The following TLR3 variants were observed in gnomAD, a reference collection of about 807,000 sequenced individuals.
TLR3 encodes the protein toll-like receptor 3.
A neutral mutation model predicts 66.4 loss-of-function variants in TLR3; 43 were observed. That is an observed-to-expected ratio of 0.65 (90% confidence interval 0.51 to 0.83). The LOEUF is 0.83. Ranked by LOEUF, TLR3 falls within the 40% of genes least tolerant of loss-of-function variation. The pLI, the probability that TLR3 is intolerant of heterozygous loss-of-function variation, is 0.00. For synonymous variants in TLR3, 397 were observed against 397.2 expected, an observed-to-expected ratio of 1.00 and a Z score of 0.01; for missense variants, 982 against 1,044.6, an observed-to-expected ratio of 0.94 and a Z score of 0.83.
chr4:186,081,251 A>C (rs2099303392), intron 3 of TLR3, among the ~76,000 whole-genome samples: 1 of 143,754 alleles, frequency 7.0e-6, no homozygotes. Flanking sequence ...CCTGGGGGAC[A>C]GAGCGAAACT....
chr4:186,077,394 C>T (rs996380566), intron 2 of TLR3, among the ~76,000 whole-genome samples: 9 of 152,182 alleles, frequency 5.9e-5, no homozygotes, highest in East Asian at 1.9e-4. Flanking sequence ...CATGTGAAGT[C>T]GTGACAAAAG....
chr4:186,072,791 G>A (rs1260243215), intron 1 of TLR3, among the ~76,000 whole-genome samples: 7 of 152,156 alleles, frequency 4.6e-5, no homozygotes, highest in Admixed American at 2.6e-4. Flanking sequence ...GGGTGGAGAC[G>A]CAGAGGCAAA....
intron 2 of TLR3, 119 bp downstream of exon 2, chr4:186,077,179 A>G: frequency 2.0e-6 from 2 of 1,024,608 alleles, no homozygotes; most frequent in Non-Finnish European, 2.9e-6. Context: ...AATTTGCCAC[A>G]AATATTGCCA....
rs746688951 is a variant in TLR3, at chr4:186,082,863, T to C, written c.1177T>C (p.Leu393=). The C allele has an allele frequency of 1.2e-5, 19 of 1,613,560 alleles. No individual in the cohort carries two copies. Among genetic ancestry groups the C allele is most frequent in the South Asian group, 2.2e-5 (2 of 91,040 alleles). Residue 393 remains leucine (L), a synonymous_variant, in exon 4 of 5, where the codon TTG becomes CTG. Coordinates refer to ENST00000296795, the MANE Select transcript of TLR3 (RefSeq NM_003265.3). ...YLSLSNSFTS[L]RTLTNETFVS... Reference sequence around the variant, plus strand: ...AAGTCTATCCAACTCCTTTACAAGTTTGCGAACTTTGACAAATGAAACATT... The same window carrying C: ...AAGTCTATCCAACTCCTTTACAAGTCTGCGAACTTTGACAAATGAAACATT...
Position 186,084,860 on chromosome 4 carries a change from A to C in TLR3, c.2702A>C (p.Asn901Thr). 6.2e-7 allele frequency: 1 copy of C among 1,612,838 alleles called. No homozygotes were observed. The highest frequency in any genetic ancestry group is 8.5e-7 in the Non-Finnish European group (1 of 1,179,210). ...HKLQVALGSK[N>T]SVH ...TTGCAAGTAGCACTTGGATCCAAAA[A>C]CTCTGTACATTAAATTTATTTAAAT... Residue 901 changes from asparagine to threonine, a missense_variant, in exon 5 of 5, where the codon AAC (asparagine) becomes ACC (threonine). By Grantham distance (65) the Asn-to-Thr change is moderately conservative. This residue lies in a region of TLR3 where 666 missense variants were observed against 709.0 expected (regional missense o/e 0.94). Coordinates refer to ENST00000296795, the MANE Select transcript of TLR3 (RefSeq NM_003265.3).
chr4:186,084,012 T>G lies in TLR3; in HGVS notation c.2326T>G (p.Ser776Ala). The G allele has an allele frequency of 6.2e-7, 1 of 1,614,166 alleles. No homozygotes were observed. Among genetic ancestry groups the G allele is most frequent in the Non-Finnish European group, 8.5e-7 (1 of 1,180,022 alleles). ...DKDWVWEHFS[S>A]MEKEDQSLKF... The stretch of plus-strand genomic sequence containing the variant: ...GGATTGGGTCTGGGAACATTTCTCT[T>G]CAATGGAAAAGGAAGACCAATCTCT... Residue 776 changes from serine (S) to alanine (A), a missense_variant, in exon 4 of 5, where the codon TCA becomes GCA. Physicochemically the swap from Ser to Ala is moderately conservative, Grantham distance 99. Transcript: ENST00000296795.
rs932524368 is a variant in TLR3 at position 186,083,238 on chromosome 4, A to C, written c.1552A>C (p.Ile518Leu). 3 of 1,614,060 alleles carry C rather than the reference A, an allele frequency of 1.9e-6. No homozygotes were observed. The African/African-American group carries it at 4.0e-5, about 22-fold the overall frequency. The change falls in exon 4 of 5, where the codon ATA becomes CTA. Residue 518 changes from isoleucine to leucine, a missense_variant. Ile to Leu is a conservative substitution (Grantham distance 5). Around this residue, in one of 3 missense-constraint regions of TLR3, gnomAD observed 666 missense variants for 709.0 expected, o/e 0.94. Coordinates refer to ENST00000296795, the MANE Select transcript of TLR3 (RefSeq NM_003265.3). The surrounding 1 kb of genome is among the most constrained non-coding windows in gnomAD (Gnocchi z 4.0). Reference protein sequence around the residue: ...LTILDLSNNNIANINDDMLEG... With the variant: ...LTILDLSNNNLANINDDMLEG... ...CATTCTGGATCTAAGCAACAACAAC[A>C]TAGCCAACATAAATGATGACATGTT...
chr4:186,082,979 C>G lies in TLR3; in HGVS notation c.1293C>G (p.Gly431=). 1.2e-6 allele frequency: 2 copies of G among 1,614,158 alleles called. No homozygotes were observed. The highest frequency in any genetic ancestry group is 1.7e-6 in the Non-Finnish European group (2 of 1,180,030). Residue 431 remains glycine (G), a synonymous_variant, in exon 4 of 5, where the codon GGC becomes GGG. Transcript: ENST00000296795. ...AGAGTGATGCTTTCTCTTGGTTGGG[C>G]CACCTAGAAGTACTTGACCTGGGCC... is the stretch of plus-strand genomic sequence containing the variant. The part of the protein sequence containing the change: ...KIESDAFSWL[G]HLEVLDLGLN...
In TLR3 at chr4:186,087,209, T is replaced by G. The variant is rs575503320; in HGVS notation, c.*2336T>G. The stretch of plus-strand genomic sequence containing the variant: ...AGACCCCATTCTCCTGCCTCAGATA[T>G]ATCAATGACATATTCAATACATCAT... On this transcript the variant is annotated 3_prime_UTR_variant, in exon 5 of 5. Coordinates refer to ENST00000296795, the MANE Select transcript of TLR3 (RefSeq NM_003265.3). The G allele has an allele frequency of 8.5e-5, 13 of 152,204 alleles. No homozygotes were observed. The highest frequency in any genetic ancestry group is 1.5e-4 in the Non-Finnish European group (10 of 68,030). The allele number at this position is 152,204 out of a possible 1,614,324, so 9.4% of individuals were successfully genotyped here. A position where few individuals can be genotyped will look rare whatever the true frequency, so the allele number is the denominator to read the frequency against.
intron 3 of TLR3, among the ~76,000 whole-genome samples, chr4:186,079,813 G>A (rs1579728923): frequency 6.6e-6 from 1 of 152,282 alleles, no homozygotes; most frequent in African/African-American, 2.4e-5. Context: ...AGAAGGCAAC[G>A]GGCATATCAG....
Position 186,083,675 on chromosome 4 carries a change from G to C in TLR3, c.1989G>C (p.Glu663Asp). 6.3e-7 allele frequency: 1 copy of C among 1,598,152 alleles called. No homozygotes were observed. The highest frequency in any genetic ancestry group is 1.1e-5 in the South Asian group (1 of 87,894). The change falls in exon 4 of 5, where the codon GAG becomes GAC. Residue 663 changes from glutamate (E) to aspartate (D), a missense_variant. Physicochemically the swap from Glu to Asp is conservative, Grantham distance 45. This residue lies in a region of TLR3 where 666 missense variants were observed against 709.0 expected (regional missense o/e 0.94). Coordinates refer to ENST00000296795, the MANE Select transcript of TLR3 (RefSeq NM_003265.3). This position sits in a 1 kb window ranked among gnomAD's most constrained non-coding sequence, Gnocchi z 4.0. ...CCTGGTTTGTTAATTGGATTAACGA[G>C]ACCCATACCAACATCCCTGAGCTGT... ...SIAWFVNWIN[E>D]THTNIPELSS...
At position 186,076,765 on chromosome 4, in the gene TLR3, T is replaced by A. The variant is rs1489675622; in HGVS notation, c.146T>A (p.Leu49Gln). The change falls in exon 2 of 5, where the codon CTA becomes CAA. Residue 49 changes from leucine to glutamine, a missense_variant. By Grantham distance (113) the Leu-to-Gln change is moderately radical. Around this residue, in one of 3 missense-constraint regions of TLR3, gnomAD observed 313 missense variants for 319.0 expected, o/e 0.98. Coordinates refer to ENST00000296795, the MANE Select transcript of TLR3 (RefSeq NM_003265.3). The stretch of plus-strand genomic sequence containing the variant: ...AAGTTGACTCAGGTACCCGATGATC[T>A]ACCCACAAACATAACAGTGTTGAAC... ...HLKLTQVPDD[L>Q]PTNITVLNLT... 1 of 1,614,028 alleles carries A rather than the reference T, an allele frequency of 6.2e-7. No individual in the cohort carries two copies. Among genetic ancestry groups the A allele is most frequent in the African/African-American group, 1.3e-5 (1 of 74,920 alleles).
rs368416421 is a variant in TLR3, at chr4:186,077,074, G to A, written c.441+14G>A. On this transcript the variant is annotated intron_variant, in intron 2 of 4. Coordinates refer to ENST00000296795, the MANE Select transcript of TLR3 (RefSeq NM_003265.3). ...GTCAAGCAGAAGGTAAGTTGAAAAT[G>A]TCTATTGTTACTAATGTTTTTAAGT... 2 of 1,609,998 alleles carry A rather than the reference G, an allele frequency of 1.2e-6. No homozygotes were observed. The highest frequency in any genetic ancestry group is 2.2e-5 in the East Asian group (1 of 44,838).
Position 186,083,570 on chromosome 4 carries a change from G to C in TLR3, c.1884G>C (p.Lys628Asn), listed in dbSNP as rs2099303884. ...QKNLITSVEK[K>N]VFGPAFRNLT... ...ATCTCATAACATCCGTTGAGAAGAA[G>C]GTTTTCGGGCCAGCTTTCAGGAACC... The change falls in exon 4 of 5, where the codon AAG becomes AAC. Residue 628 changes from lysine to asparagine, a missense_variant. By Grantham distance (94) the Lys-to-Asn change is moderately conservative. Transcript: ENST00000296795. The surrounding 1 kb of genome is among the most constrained non-coding windows in gnomAD (Gnocchi z 4.0). The C allele has an allele frequency of 6.2e-7, 1 of 1,612,924 alleles. No individual in the cohort carries two copies. Among genetic ancestry groups the C allele is most frequent in the Admixed American group, 1.7e-5 (1 of 59,804 alleles).
rs2150068135 is a variant in TLR3 at position 186,083,833 on chromosome 4, T to C, written c.2147T>C (p.Phe716Ser). The change falls in exon 4 of 5, where the codon TTT becomes TCT. Residue 716 changes from phenylalanine (F) to serine (S), a missense_variant. By Grantham distance (155) the Phe-to-Ser change is radical. Around this residue, in one of 3 missense-constraint regions of TLR3, gnomAD observed 666 missense variants for 709.0 expected, o/e 0.94. Coordinates refer to ENST00000296795, the MANE Select transcript of TLR3 (RefSeq NM_003265.3). This position sits in a 1 kb window ranked among gnomAD's most constrained non-coding sequence, Gnocchi z 4.0. ...ATCAATACCAGTATCCTGTTGATTT[T>C]TATCTTTATTGTACTTCTCATCCAC... ...FMINTSILLI[F>S]IFIVLLIHFE... 6.2e-7 allele frequency: 1 copy of C among 1,614,132 alleles called. No homozygotes were observed. The highest frequency in any genetic ancestry group is 8.5e-7 in the Non-Finnish European group (1 of 1,180,014).
chr4:186,073,752 T>C (rs981314783), intron 1 of TLR3, among the ~76,000 whole-genome samples: 1 of 151,974 alleles, frequency 6.6e-6, no homozygotes, highest in Non-Finnish European at 1.5e-5. Context: ...CTAGATTTCA[T>C]CATAATTAAG....
At position 186,088,057 on chromosome 4, in the gene TLR3, T is replaced by C. The variant is rs2150068981; in HGVS notation, c.*3184T>C. The C allele has an allele frequency of 6.6e-6, 1 of 152,328 alleles. No homozygotes were observed. Among genetic ancestry groups the C allele is most frequent in the South Asian group, 2.1e-4 (1 of 4,828 alleles). The allele number at this position is 152,328 out of a possible 1,614,324, so 9.4% of individuals were successfully genotyped here. A position where few individuals can be genotyped will look rare whatever the true frequency, so the allele number is the denominator to read the frequency against. On this transcript the variant is annotated 3_prime_UTR_variant, in exon 5 of 5. Transcript: ENST00000296795. ...ATATTCACAAAGCCATTAAAAATTGTATTTTTTGAGCAGCTACAGGTGCCT... is the reference window on the plus strand; with the variant it reads ...ATATTCACAAAGCCATTAAAAATTGCATTTTTTGAGCAGCTACAGGTGCCT...
intron 3 of TLR3, among the ~76,000 whole-genome samples, chr4:186,080,042 CCTGCT>C (rs1734358426): frequency 6.6e-6 from 1 of 152,134 alleles, no homozygotes; most frequent in South Asian, 2.1e-4. Flanking sequence ...TAATAATTTA[CCTGCT>C]CTTTTGCTTT....
chr4:186,083,913 G>C lies in TLR3; in HGVS notation c.2227G>C (p.Gly743Arg), dbSNP rs754289571. Residue 743 changes from glycine (G) to arginine (R), a missense_variant, in exon 4 of 5, where the codon GGT (glycine) becomes CGT (arginine). Coordinates refer to ENST00000296795, the MANE Select transcript of TLR3 (RefSeq NM_003265.3). The surrounding 1 kb of genome is among the most constrained non-coding windows in gnomAD (Gnocchi z 4.0). ...GAATGTTTCAGTACATCGAGTTCTTGGTTTCAAAGAAATAGACAGACAGAC... is the reference window on the plus strand; with the variant it reads ...GAATGTTTCAGTACATCGAGTTCTTCGTTTCAAAGAAATAGACAGACAGAC... ...YWNVSVHRVL[G>R]FKEIDRQTEQ... The C allele has an allele frequency of 6.2e-7, 1 of 1,614,128 alleles. No homozygotes were observed. The highest frequency in any genetic ancestry group is 1.1e-5 in the South Asian group (1 of 91,074).
Sources: allele counts gnomAD v4.1 joint callset (sites outside exome capture counted in the v4.1 genomes callset), GRCh38; gene constraint gnomAD v4.1.1; regional missense constraint gnomAD v4.1.1; non-coding constraint Gnocchi (gnomAD v3.1); transcripts MANE v1.5; gene names NCBI Gene and HGNC (gene_info 2026-07-23, HGNC 2026-07-21).